The following DAPK1 variants were observed in gnomAD, a reference collection of about 807,000 sequenced individuals.
DAPK1 encodes the protein death associated protein kinase 1.
A neutral mutation model predicts 144.9 loss-of-function variants in DAPK1; 56 were observed. The ratio of observed to expected loss-of-function variants is 0.39; its 90% CI spans 0.31 to 0.48. DAPK1 has a LOEUF of 0.48. Ranked by LOEUF, DAPK1 falls within the 20% of genes least tolerant of loss-of-function variation. The pLI is 0.95. For synonymous variants in DAPK1, 690 were observed against 749.0 expected (o/e 0.92, Z 1.29); for missense variants, 1,454 against 1,875.4 (o/e 0.78, Z 4.15).
intron 2 of DAPK1, among the ~76,000 whole-genome samples, chr9:87,579,463 A>G (rs1218729462): frequency 6.6e-6 from 1 of 152,222 alleles, no homozygotes; most frequent in African/African-American, 2.4e-5. Flanking sequence ...GGACCCTTCC[A>G]GAAGAAGCTC....
chr9:87,609,330 C>T (rs965316008), intron 3 of DAPK1, among the ~76,000 whole-genome samples: 3 of 152,118 alleles, frequency 2.0e-5, no homozygotes, highest in Non-Finnish European at 4.4e-5. Context: ...GCATATGATG[C>T]GTAGGATGCA....
intron 2 of DAPK1, among the ~76,000 whole-genome samples, chr9:87,589,555 CT>C (rs5899007): frequency 6.7e-6 from 1 of 149,054 alleles, no homozygotes; most frequent in Non-Finnish European, 1.5e-5. Context: ...CCATCAAGTA[CT>C]TTTTTTTTTA....
chr9:87,570,463 A>T (rs1364297841), intron 2 of DAPK1, among the ~76,000 whole-genome samples: 1 of 152,214 alleles, frequency 6.6e-6, no homozygotes, highest in Admixed American at 6.5e-5. Flanking sequence ...ACTTTGCTTT[A>T]CCTTGAAGAA....
chr9:87,685,729 A>G (rs1033744427), intron 20 of DAPK1, among the ~76,000 whole-genome samples: 1 of 152,236 alleles, frequency 6.6e-6, no homozygotes, highest in Admixed American at 6.5e-5. Flanking sequence ...CATTGTTTAC[A>G]TAATGTTTCC....
At chr9:87,548,402 TTCTCTC>T (rs909159003) in intron 2 of DAPK1, among the ~76,000 whole-genome samples, 2 of 152,162 alleles carry the variant, frequency 1.3e-5, no homozygotes, top group African/African-American at 4.8e-5. Flanking sequence ...CTCCTATATT[TTCTCTC>T]TCTCTTTTTC....
At position 87,706,854 on chromosome 9, in the gene DAPK1, G is replaced by C. The variant is rs768344449; in HGVS notation, c.3783G>C (p.Gln1261His). ...AGCCACGGGACTTCTTCCGGGCACA[G>C]ACTCTGAAGGAAACCTCACTGACCA... ...IYQPRDFFRA[Q>H]TLKETSLTNT... Residue 1261 changes from glutamine to histidine, a missense_variant, in exon 26 of 26, where the codon CAG becomes CAC. By Grantham distance (24) the Gln-to-His change is conservative. Coordinates refer to ENST00000408954, the MANE Select transcript of DAPK1 (RefSeq NM_004938.4). The surrounding 1 kb of genome is among the most constrained non-coding windows in gnomAD (Gnocchi z 9.0). 3 of 1,613,990 alleles carry C rather than the reference G, an allele frequency of 1.9e-6. No homozygotes were observed. The highest frequency in any genetic ancestry group is 2.5e-6 in the Non-Finnish European group (3 of 1,180,030).
intron 2 of DAPK1, among the ~76,000 whole-genome samples, chr9:87,571,476 A>ACACACACACACCCCAACACACACAC (rs771023885): frequency 2.1e-5 from 1 of 48,548 alleles, no homozygotes; most frequent in African/African-American, 9.2e-5. Context: ...CACACACACC[A>ACACACACACACCCCAACACACACAC]ACACACACAC....
At chr9:87,636,334 C>T (rs1035552245) in intron 3 of DAPK1, among the ~76,000 whole-genome samples, 2 of 152,192 alleles carry the variant, frequency 1.3e-5, no homozygotes, top group Non-Finnish European at 2.9e-5. Context: ...CTACCTCTGC[C>T]AGGCCCCTGG....
intron 2 of DAPK1, among the ~76,000 whole-genome samples, chr9:87,534,148 G>GA (rs1825788026): frequency 1.3e-5 from 2 of 150,964 alleles, no homozygotes; most frequent in Admixed American, 6.6e-5. Flanking sequence ...GAATTCTTAG[G>GA]AAAAAATGCA....
At chr9:87,694,563 G>T (rs1172988745) in intron 21 of DAPK1, among the ~76,000 whole-genome samples, 1 of 152,196 alleles carries the variant, frequency 6.6e-6, no homozygotes, top group African/African-American at 2.4e-5. Flanking sequence ...GCGGCCAGCT[G>T]GGGAGTGTAT....
chr9:87,517,446 C>T, intron 2 of DAPK1, among the ~76,000 whole-genome samples: 1 of 152,114 alleles, frequency 6.6e-6, no homozygotes, highest in South Asian at 2.1e-4. Context: ...CTCTCCCCCA[C>T]CTCTCTCTCT....
intron 2 of DAPK1, among the ~76,000 whole-genome samples, chr9:87,503,872 A>G (rs1379150007): frequency 1.3e-5 from 2 of 152,228 alleles, no homozygotes; most frequent in East Asian, 3.9e-4. Flanking sequence ...TAAATATTTT[A>G]CATTGGTTTG....
chr9:87,678,211 G>C (rs777304380), intron 19 of DAPK1, among the ~76,000 whole-genome samples: 1 of 152,162 alleles, frequency 6.6e-6, no homozygotes, highest in Non-Finnish European at 1.5e-5. Context: ...CTTGTGTCAC[G>C]CTCCCTTGTA....
intron 15 of DAPK1, 76 bp downstream of exon 15, chr9:87,648,955 C>A: frequency 7.7e-7 from 1 of 1,302,714 alleles, no homozygotes; most frequent in Non-Finnish European, 1.1e-6. Context: ...ACAGTCGGGG[C>A]CTTTAGAGTT....
At chr9:87,506,602 C>A (rs367564043) in intron 2 of DAPK1, among the ~76,000 whole-genome samples, 1 of 152,188 alleles carries the variant, frequency 6.6e-6, no homozygotes, top group African/African-American at 2.4e-5. Context: ...CATTTCCTTA[C>A]GCAACAACTA....
chr9:87,634,972 C>T (rs933816254), intron 3 of DAPK1, among the ~76,000 whole-genome samples: 1 of 152,138 alleles, frequency 6.6e-6, no homozygotes, highest in Non-Finnish European at 1.5e-5. Flanking sequence ...CGCTACATGT[C>T]CTGGAACCTC....
chr9:87,541,241 G>C (rs1159520403), intron 2 of DAPK1, among the ~76,000 whole-genome samples: 1 of 152,042 alleles, frequency 6.6e-6, no homozygotes, highest in Non-Finnish European at 1.5e-5. Flanking sequence ...TGGTTCTTCT[G>C]TCAGCACTTT....
intron 3 of DAPK1, chr9:87,633,041 A>G (rs1829766182): frequency 1.0e-6 from 1 of 980,302 alleles, no homozygotes; most frequent in African/African-American, 1.8e-5. Context: ...GGGATGAAGG[A>G]GGATGAGTAT....
intron 2 of DAPK1, among the ~76,000 whole-genome samples, chr9:87,581,029 C>T (rs959167562): frequency 2.0e-5 from 3 of 152,192 alleles, no homozygotes; most frequent in Non-Finnish European, 2.9e-5. Context: ...GCAGAATGAA[C>T]GCGTGACCCA....
Sources: allele counts gnomAD v4.1 joint callset (sites outside exome capture counted in the v4.1 genomes callset), GRCh38; gene constraint gnomAD v4.1.1; non-coding constraint Gnocchi (gnomAD v3.1); transcripts MANE v1.5; gene names NCBI Gene and HGNC (gene_info 2026-07-23, HGNC 2026-07-21).